The following EGLN1 variants were observed in gnomAD, a reference collection of about 807,000 sequenced individuals.
The protein encoded by EGLN1 is egl nine homolog 1.
A neutral mutation model predicts 38.3 loss-of-function variants in EGLN1; 17 were observed. The observed-to-expected ratio is 0.44, with a 90% CI of 0.30 to 0.67. EGLN1 has a LOEUF of 0.67. Among genes scored for constraint, EGLN1 ranks in the 30% least tolerant of loss-of-function variants. The pLI, the probability that EGLN1 is intolerant of heterozygous loss-of-function variation, is 0.08. For synonymous variants in EGLN1, 283 were observed against 257.5 expected, an observed-to-expected ratio of 1.10 and a Z score of -0.95; for missense variants, 477 against 603.3, an observed-to-expected ratio of 0.79 and a Z score of 2.19.
intron 1 of EGLN1, among the ~76,000 whole-genome samples, chr1:231,391,535 G>C (rs1435016515): frequency 6.6e-6 from 1 of 151,992 alleles, no homozygotes. Context: ...GCACCGCAGA[G>C]CCCCAAATCA....
chr1:231,405,064 C>T (rs1432907512), intron 1 of EGLN1, among the ~76,000 whole-genome samples: 1 of 152,198 alleles, frequency 6.6e-6, no homozygotes, highest in Non-Finnish European at 1.5e-5. Flanking sequence ...TGAATCTGAA[C>T]TTCTGATGAC....
rs533779100 is a variant in EGLN1 at position 231,391,011 on chromosome 1, C to T, written c.892-16912G>A. Among the ~76,000 whole-genome samples, 3 of 113,874 alleles carry T rather than the reference C, an allele frequency of 2.6e-5. No individual in the cohort carries two copies. The South Asian group carries it at 9.6e-4, about 36-fold the overall frequency. The allele number at this position is 113,874 out of a possible 152,430, so 74.7% of individuals were successfully genotyped here. A position where few individuals can be genotyped will look rare whatever the true frequency, so the allele number is the denominator to read the frequency against. The stretch of plus-strand genomic sequence containing the variant: ...TACAGACGCAAGCCACCATGCCCGG[C>T]TAGTGTGCGTGTAGACAGGAACTGA... On this transcript the variant is annotated intron_variant, in intron 1 of 4. Transcript: ENST00000366641.
At position 231,366,487 on chromosome 1, in the gene EGLN1, A is replaced by G. The variant is rs1167888160; in HGVS notation, c.1217-12T>C. On this transcript the variant is annotated splice_polypyrimidine_tract_variant and intron_variant, in intron 4 of 4. Coordinates refer to ENST00000366641, the MANE Select transcript of EGLN1 (RefSeq NM_022051.3). ...CACACCTTTTTCACCTGCAAGGTAA[A>G]AAAAAAAAAAATTTTCATTCATTCA... 6 of 1,604,194 alleles carry G rather than the reference A, an allele frequency of 3.7e-6. No individual in the cohort carries two copies. The highest frequency in any genetic ancestry group is 5.1e-6 in the Non-Finnish European group (6 of 1,172,936).
At position 231,421,301 on chromosome 1, in the gene EGLN1, C is replaced by T. The variant is rs766038717; in HGVS notation, c.588G>A (p.Glu196=). 6.2e-6 allele frequency: 10 copies of T among 1,612,974 alleles called. No individual in the cohort carries two copies. The highest frequency in any genetic ancestry group is 8.5e-6 in the Non-Finnish European group (10 of 1,179,846). ...KPLPALKLAL[E]YIVPCMNKHG... ...GCTTGTTCATGCACGGCACGATGTA[C>T]TCGAGCGCCAGCTTCAGCGCCGGCA... is the stretch of plus-strand genomic sequence containing the variant. The change falls in exon 1 of 5, where the codon GAG becomes GAA. Residue 196 remains glutamate (E), a synonymous_variant. Coordinates refer to ENST00000366641, the MANE Select transcript of EGLN1 (RefSeq NM_022051.3). This position sits in a 1 kb window ranked among gnomAD's most constrained non-coding sequence, Gnocchi z 5.5.
intron 1 of EGLN1, among the ~76,000 whole-genome samples, chr1:231,387,382 C>T (rs1416238371): frequency 2.8e-4 from 38 of 137,522 alleles, no homozygotes; most frequent in Admixed American, 1.3e-3. Flanking sequence ...TTTTTTGTGA[C>T]GGCGTCTCGC....
intron 1 of EGLN1, among the ~76,000 whole-genome samples, chr1:231,415,207 A>G (rs575242642): frequency 1.3e-5 from 2 of 150,624 alleles, no homozygotes; most frequent in South Asian, 4.3e-4. Context: ...CAGGAGCTGG[A>G]GGCTGCAGTA....
intron 1 of EGLN1, among the ~76,000 whole-genome samples, chr1:231,403,126 T>G (rs758363592): frequency 2.0e-5 from 3 of 152,214 alleles, no homozygotes; most frequent in Non-Finnish European, 4.4e-5. Flanking sequence ...ATTTCAATCC[T>G]TAAGTTATTA....
chr1:231,385,555 C>T (rs1261522643), intron 1 of EGLN1, among the ~76,000 whole-genome samples: 6 of 152,172 alleles, frequency 3.9e-5, no homozygotes, highest in African/African-American at 1.4e-4. Flanking sequence ...GTGAACCTGA[C>T]GTGTGAGTCA....
chr1:231,387,816 C>CCAAT (rs1688259478), intron 1 of EGLN1, among the ~76,000 whole-genome samples: 1 of 152,138 alleles, frequency 6.6e-6, no homozygotes, highest in Non-Finnish European at 1.5e-5. Context: ...CTACCAATAT[C>CCAAT]CAATCTCTCT....
At chr1:231,366,728 C>T (rs1371475920) in intron 4 of EGLN1, among the ~76,000 whole-genome samples, 2 of 152,148 alleles carry the variant, frequency 1.3e-5, no homozygotes, top group Non-Finnish European at 2.9e-5. Flanking sequence ...ATTTTAAAAG[C>T]CATTTGAGTT....
chr1:231,374,517 A>T (rs1172725310), intron 1 of EGLN1, among the ~76,000 whole-genome samples: 1 of 120,512 alleles, frequency 8.3e-6, no homozygotes, highest in African/African-American at 2.7e-5. Flanking sequence ...TCTGAATGGT[A>T]CCAATTTTTT....
chr1:231,380,702 G>A (rs1368040424), intron 1 of EGLN1, among the ~76,000 whole-genome samples: 1 of 152,170 alleles, frequency 6.6e-6, no homozygotes, highest in East Asian at 1.9e-4. Context: ...CTTTGTATGA[G>A]TGCACACATC....
At chr1:231,408,883 A>G (rs1688858546) in intron 1 of EGLN1, among the ~76,000 whole-genome samples, 1 of 152,140 alleles carries the variant, frequency 6.6e-6, no homozygotes, top group Admixed American at 6.5e-5. Context: ...GGAAATGCAC[A>G]GCACTAGAAA....
At chr1:231,406,741 C>T (rs1460296535) in intron 1 of EGLN1, among the ~76,000 whole-genome samples, 1 of 151,890 alleles carries the variant, frequency 6.6e-6, no homozygotes, top group Non-Finnish European at 1.5e-5. Flanking sequence ...ACAAGCAGAA[C>T]ATTGTGTGTA....
At position 231,421,385 on chromosome 1, in the gene EGLN1, C is replaced by A. The variant is rs1222159513; in HGVS notation, c.504G>T (p.Thr168=). Residue 168 remains threonine, a synonymous_variant, in exon 1 of 5, where the codon ACG becomes ACT. Transcript: ENST00000366641. This position sits in a 1 kb window ranked among gnomAD's most constrained non-coding sequence, Gnocchi z 5.5. ...CGCCGGGGCTCAGCGCATCCCCGGG[C>A]GTGTTGCTTGGGGGGTACAGGTTCG... ...EKANLYPPSN[T]PGDALSPGGG... is the part of the protein sequence containing the mutation. The A allele has an allele frequency of 4.4e-6, 7 of 1,606,914 alleles. No individual in the cohort carries two copies. The South Asian group carries it at 7.7e-5, about 18-fold the overall frequency.
chr1:231,394,969 A>C (rs1688484492), intron 1 of EGLN1, among the ~76,000 whole-genome samples: 1 of 152,126 alleles, frequency 6.6e-6, no homozygotes, highest in Non-Finnish European at 1.5e-5. Context: ...TATGCATACA[A>C]ATCACCTAGG....
chr1:231,386,740 T>C, intron 1 of EGLN1, among the ~76,000 whole-genome samples: 1 of 152,170 alleles, frequency 6.6e-6, no homozygotes, highest in East Asian at 1.9e-4. Flanking sequence ...AGAACAGAGA[T>C]GATAGATTAG....
At chr1:231,374,678 G>C (rs181172354) in intron 1 of EGLN1, among the ~76,000 whole-genome samples, 35 of 151,956 alleles carry the variant, frequency 2.3e-4, no homozygotes, top group Admixed American at 7.2e-4. Context: ...TCACCAGGCT[G>C]GTTAATTTTT....
chr1:231,368,912 GCTT>G (rs927857852), intron 3 of EGLN1, among the ~76,000 whole-genome samples: 84 of 152,158 alleles, frequency 5.5e-4, no homozygotes, highest in Admixed American at 5.4e-3. Context: ...TTACCATGTG[GCTT>G]CTTCTACTTT....
Sources: gnomAD v4.1 joint callset for allele counts (sites outside exome capture counted in the v4.1 genomes callset) on GRCh38, gnomAD v4.1.1 for gene constraint, Gnocchi (gnomAD v3.1) non-coding constraint, MANE v1.5 for transcripts, NCBI Gene and HGNC (gene_info 2026-07-23, HGNC 2026-07-21) for gene names.